Variants in NR1D2 observed in about 807,000 individuals in gnomAD.
NR1D2 encodes V-erbA-related protein 1-related.
In NR1D2, 25 loss-of-function variants were observed where a neutral mutation model predicts 52.2. The ratio of observed to expected loss-of-function variants is 0.48; its 90% CI spans 0.35 to 0.67. NR1D2 has a LOEUF of 0.67. Ranked by LOEUF, NR1D2 falls within the 30% of genes least tolerant of loss-of-function variation. The probability of loss-of-function intolerance (pLI) is 0.01; values close to 1 mark genes in which losing one functional copy is unlikely to be tolerated. For missense variants in NR1D2, 681 were observed against 707.2 expected (o/e 0.96, Z 0.42); for synonymous variants, 259 against 230.1 (o/e 1.13, Z -1.14).
chr3:23,945,730 C>A (rs1705652861), intron 1 of NR1D2, 136 bp downstream of exon 1: 3 of 595,604 alleles, frequency 5.0e-6, no homozygotes, highest in Non-Finnish European at 6.9e-6. Context: ...CGCGTGTCCG[C>A]CTCTGGCTCG....
chr3:23,958,596 C>T (rs1385401423), intron 3 of NR1D2, among the ~76,000 whole-genome samples: 2 of 144,280 alleles, frequency 1.4e-5, no homozygotes, highest in East Asian at 2.1e-4. Context: ...GCTATTATTA[C>T]GTCATTGTAC....
At chr3:23,972,544 C>T (rs994585585) in intron 7 of NR1D2, among the ~76,000 whole-genome samples, 1 of 152,044 alleles carries the variant, frequency 6.6e-6, no homozygotes, top group Non-Finnish European at 1.5e-5. Flanking sequence ...GGTGTGAGGT[C>T]AAGGCTCATT....
chr3:23,959,460 A>T (rs9875295), intron 3 of NR1D2, among the ~76,000 whole-genome samples: 3,154 of 152,140 alleles, frequency 0.021, 108 homozygotes, highest in African/African-American at 0.072. Context: ...AGTAGGTGTT[A>T]GGTGCTTACT....
chr3:23,960,584 G>A lies in NR1D2; in HGVS notation c.517+769G>A, dbSNP rs201770474. On this transcript the variant is annotated intron_variant, in intron 4 of 7. Coordinates refer to ENST00000312521, the MANE Select transcript of NR1D2 (RefSeq NM_005126.5). ...TGACCTCAAGTGATCCACCTGCCTC[G>A]GCCTCCCAAAGCGCTGGGATTACAG... 1.2e-4 allele frequency among the ~76,000 whole-genome samples: 19 copies of A among 152,170 alleles called. No individual in the cohort carries two copies. In the East Asian group the frequency reaches 3.5e-3, roughly 28 times the overall value.
chr3:23,977,231 G>A lies in NR1D2; in HGVS notation c.1552G>A (p.Gly518Arg). 1 of 1,584,722 alleles carries A rather than the reference G, an allele frequency of 6.3e-7. No individual in the cohort carries two copies. Among genetic ancestry groups the A allele is most frequent in the Non-Finnish European group, 8.6e-7 (1 of 1,167,040 alleles). ...TTCCTGATCTCTCTTAGATCGATCT[G>A]GAATAGAAAACGTCAACTCTGTGGA... ...AVVLVSADRS[G>R]IENVNSVEAL... The change falls in exon 8 of 8, where the codon GGA becomes AGA. Residue 518 changes from glycine to arginine, a missense_variant. Physicochemically the swap from Gly to Arg is moderately radical, Grantham distance 125 (BLOSUM62 -2). Transcript: ENST00000312521.
rs1705634998 is a variant in NR1D2, at chr3:23,945,543, G to A, written c.-36G>A. 3.5e-6 allele frequency: 4 copies of A among 1,141,820 alleles called. No homozygotes were observed. The highest frequency in any genetic ancestry group is 4.3e-6 in the Non-Finnish European group (4 of 924,016). The allele number at this position is 1,141,820 out of a possible 1,614,324, so 70.7% of individuals were successfully genotyped here. On this transcript the variant is annotated 5_prime_UTR_variant, in exon 1 of 8. Transcript: ENST00000312521. ...GGCGGCGGCGCTGCCCCCTCTGCGG[G>A]AAGCGGGCGGCCCCGGCCGCCTCCG...
rs533845726 is a variant in NR1D2 at position 23,949,929 on chromosome 3, G to A, written c.16+4335G>A. On this transcript the variant is annotated intron_variant, in intron 1 of 7. Transcript: ENST00000312521. ...AGTGCTTCCTAGCAGTACAAAATTG[G>A]ATATTGACTTAAGGCTTGTCTGAAG... 2.0e-4 allele frequency among the ~76,000 whole-genome samples: 31 copies of A among 152,320 alleles called. No homozygotes were observed. In the South Asian group the frequency reaches 6.4e-3, roughly 32 times the overall value.
chr3:23,955,710 A>G (rs890908212), intron 2 of NR1D2, among the ~76,000 whole-genome samples: 1 of 152,128 alleles, frequency 6.6e-6, no homozygotes, highest in Non-Finnish European at 1.5e-5. Context: ...AGTCCCAGCT[A>G]CTTGGGAGGC....
At chr3:23,965,362 C>T (rs532470873) in intron 6 of NR1D2, among the ~76,000 whole-genome samples, 200 bp downstream of exon 6, 2 of 150,638 alleles carry the variant, frequency 1.3e-5, no homozygotes, top group Admixed American at 1.3e-4. Flanking sequence ...CTTCAGCCTC[C>T]TGAGTAGCTG....
chr3:23,959,352 T>G (rs1455573455), intron 3 of NR1D2, among the ~76,000 whole-genome samples: 5 of 152,018 alleles, frequency 3.3e-5, no homozygotes, highest in Non-Finnish European at 7.4e-5. Context: ...AAAATGTGAC[T>G]GCAGGCAGGG....
intron 5 of NR1D2, among the ~76,000 whole-genome samples, chr3:23,964,010 T>G (rs753897437): frequency 6.6e-6 from 1 of 151,982 alleles, no homozygotes; most frequent in Non-Finnish European, 1.5e-5. Context: ...CAGTCCTTGT[T>G]TCCTGATTGA....
chr3:23,964,268 A>C (rs6790557), intron 5 of NR1D2, among the ~76,000 whole-genome samples: 1 of 151,834 alleles, frequency 6.6e-6, no homozygotes, highest in African/African-American at 2.4e-5. Context: ...TGGTAGAGAC[A>C]GGGTTTCACC....
chr3:23,961,933 G>T (rs560033174), intron 4 of NR1D2, 44 bp from the exon 5 acceptor site: 11 of 1,519,886 alleles, frequency 7.2e-6, no homozygotes, highest in African/African-American at 6.9e-5. Flanking sequence ...TACAAAACAG[G>T]TCTTATTTAG....
intron 1 of NR1D2, among the ~76,000 whole-genome samples, chr3:23,952,340 A>G (rs903107769): frequency 6.6e-6 from 1 of 152,226 alleles, no homozygotes; most frequent in Admixed American, 6.5e-5. Context: ...TGAATAAAAC[A>G]GTGGATGGAA....
chr3:23,963,461 T>A, intron 5 of NR1D2: 1 of 1,146,114 alleles, frequency 8.7e-7, no homozygotes, highest in Middle Eastern at 3.6e-4. Context: ...CTTTTTTGTT[T>A]TTTTTTTTGA....
At chr3:23,952,515 G>A (rs1201755515) in intron 1 of NR1D2, among the ~76,000 whole-genome samples, 1 of 151,824 alleles carries the variant, frequency 6.6e-6, no homozygotes, top group Admixed American at 6.6e-5. Flanking sequence ...TTCGTGACCA[G>A]CCTGGGCAAC....
In NR1D2 at chr3:23,954,762, C is replaced by G. The variant is rs758912664; in HGVS notation, c.242C>G (p.Ser81Trp). Residue 81 changes from serine (S) to tryptophan (W), a missense_variant, in exon 2 of 8, where the codon TCG becomes TGG. This residue lies in a region of NR1D2 where 112 missense variants were observed against 162.3 expected (regional missense o/e 0.69). Transcript: ENST00000312521. ...GATTGTTCTATGAAAACAAGCAAAT[C>G]GAGTGCACCTGGGATGACAAAAAGT... ...RIDCSMKTSK[S>W]SAPGMTKSHS... 9.3e-6 allele frequency: 15 copies of G among 1,614,016 alleles called. No individual in the cohort carries two copies. In the Admixed American group the frequency reaches 2.5e-4, roughly 27 times the overall value.
rs1196969864 is a variant in NR1D2 at position 23,979,704 on chromosome 3, A to G, written c.*2285A>G. ...CTATATTTGAAAGTAGCCCAATATA[A>G]AACTTTTGATTCTAAAATTAAACCA... On this transcript the variant is annotated 3_prime_UTR_variant, in exon 8 of 8. Transcript: ENST00000312521. 1 of 152,100 alleles carries G rather than the reference A, an allele frequency of 6.6e-6. No individual in the cohort carries two copies. The highest frequency in any genetic ancestry group is 1.5e-5 in the Non-Finnish European group (1 of 67,954). The allele number at this position is 152,100 out of a possible 1,614,324, so 9.4% of individuals were successfully genotyped here.
intron 3 of NR1D2, among the ~76,000 whole-genome samples, chr3:23,959,104 C>CA (rs1299161807): frequency 6.6e-6 from 1 of 151,986 alleles, no homozygotes; most frequent in Admixed American, 6.6e-5. Context: ...CTCATTTCTA[C>CA]AAAAAATACA....
Sources: gnomAD v4.1 joint callset for allele counts (sites outside exome capture counted in the v4.1 genomes callset) on GRCh38, gnomAD v4.1.1 for gene constraint, gnomAD v4.1.1 regional missense constraint, MANE v1.5 for transcripts, NCBI Gene and HGNC (gene_info 2026-07-23, HGNC 2026-07-21) for gene names.